The following NRG1 variants were observed in gnomAD, a reference collection of about 807,000 sequenced individuals.
NRG1 encodes neuregulin 1.
A neutral mutation model predicts 63.8 loss-of-function variants in NRG1; 18 were observed. The observed-to-expected ratio is 0.28, with a 90% CI of 0.19 to 0.42. The LOEUF (loss-of-function observed/expected upper bound fraction) is 0.42, where lower values mean the gene tolerates loss of function less well. Ranked by LOEUF, NRG1 falls within the 10% of genes least tolerant of loss-of-function variation. The pLI, the probability that NRG1 is intolerant of heterozygous loss-of-function variation, is 1.00. For synonymous variants in NRG1, 302 were observed against 301.3 expected (o/e 1.00, Z -0.02); for missense variants, 762 against 814.7 (o/e 0.94, Z 0.79).
intron 1 of NRG1, among the ~76,000 whole-genome samples, chr8:32,048,344 T>C (rs1479492767): frequency 6.7e-6 from 1 of 149,430 alleles, no homozygotes; most frequent in Non-Finnish European, 1.5e-5. Flanking sequence ...TGTATGTATG[T>C]ATGAATATAC....
intron 5 of NRG1, among the ~76,000 whole-genome samples, chr8:32,644,055 A>G (rs1477504885): frequency 2.0e-5 from 3 of 152,154 alleles, no homozygotes; most frequent in Non-Finnish European, 2.9e-5. Context: ...AAATTACCTA[A>G]GCTGCCTGGG....
chr8:31,864,181 G>T (rs1013839503), intron 1 of NRG1, among the ~76,000 whole-genome samples: 9 of 152,110 alleles, frequency 5.9e-5, no homozygotes, highest in African/African-American at 2.2e-4. Context: ...ATTAATTCAT[G>T]AATTCATTCA....
At chr8:31,699,567 G>A (rs1166178306) in intron 1 of NRG1, among the ~76,000 whole-genome samples, 1 of 152,102 alleles carries the variant, frequency 6.6e-6, no homozygotes, top group Non-Finnish European at 1.5e-5. Flanking sequence ...ATAAAGTGTG[G>A]TGTTTGCACT....
At chr8:32,449,872 A>C (rs1487091422) in intron 1 of NRG1, among the ~76,000 whole-genome samples, 1 of 152,230 alleles carries the variant, frequency 6.6e-6, no homozygotes, top group Non-Finnish European at 1.5e-5. Context: ...AGAGGGAGCC[A>C]GTGCATCAGA....
rs75155858 is a variant in NRG1 at position 32,764,326 on chromosome 8, G to T, written c.1838G>T (p.Gly613Val). The stretch of plus-strand genomic sequence containing the variant: ...GCTGACAGCAGGACTAACCCAGCAG[G>T]CCGCTTCTCGACACAGGAAGAAATC... Residue 613 changes from glycine to valine, a missense_variant, in exon 12 of 12, where the codon GGC becomes GTC. This residue lies in a region of NRG1 where 503 missense variants were observed against 506.8 expected (regional missense o/e 0.99). Transcript: ENST00000356819. The T allele has an allele frequency of 0.02, 32,692 of 1,613,864 alleles. 3,551 individuals carry two copies. The East Asian group carries it at 0.33, about 16-fold the overall frequency.
intron 7 of NRG1, chr8:32,749,365 AGAGAC>A (rs1445951831): frequency 1.6e-6 from 1 of 641,210 alleles, no homozygotes; most frequent in Non-Finnish European, 2.8e-6. Context: ...CCTCATAAAA[AGAGAC>A]GTTCCCTATG....
intron 1 of NRG1, among the ~76,000 whole-genome samples, chr8:32,246,160 A>G (rs1848576328): frequency 6.6e-6 from 1 of 152,212 alleles, no homozygotes; most frequent in African/African-American, 2.4e-5. Flanking sequence ...AGGAAGAAAA[A>G]GATACCAATG....
chr8:32,737,427 T>G (rs1825348174), intron 6 of NRG1, among the ~76,000 whole-genome samples: 1 of 152,028 alleles, frequency 6.6e-6, no homozygotes, highest in Non-Finnish European at 1.5e-5. Context: ...GGTGCATGCC[T>G]GTAATCTCAG....
At chr8:32,764,421 G>T in exon 12 of NRG1, 1 of 1,512,374 alleles carries the variant, frequency 6.6e-7, no homozygotes, top group South Asian at 1.3e-5. Context: ...TAAACACATA[G>T]ATTCACCTGT....
intron 8 of NRG1, 81 bp from the exon 9 acceptor site, chr8:32,756,322 G>A (rs754236324): frequency 1.4e-4 from 212 of 1,514,256 alleles, no homozygotes; most frequent in Non-Finnish European, 3.6e-5. Flanking sequence ...CTACTCATAG[G>A]TGTTGGTAGA....
At chr8:32,663,467 A>G (rs1803373740) in intron 5 of NRG1, among the ~76,000 whole-genome samples, 1 of 152,174 alleles carries the variant, frequency 6.6e-6, no homozygotes, top group African/African-American at 2.4e-5. Context: ...ACTTTGAAGT[A>G]CTTGCATGTC....
intron 1 of NRG1, among the ~76,000 whole-genome samples, chr8:32,225,809 A>C (rs1846259313): frequency 6.6e-6 from 1 of 152,206 alleles, no homozygotes. Context: ...AAGATGGGGA[A>C]AGTGTAGAGT....
chr8:32,747,076 G>A (rs1275171500), intron 7 of NRG1, among the ~76,000 whole-genome samples: 3 of 151,920 alleles, frequency 2.0e-5, no homozygotes, highest in Non-Finnish European at 4.4e-5. Context: ...TGATATGAAT[G>A]ACTTCCCGTG....
intron 1 of NRG1, among the ~76,000 whole-genome samples, chr8:31,802,843 T>C (rs1002381430): frequency 1.3e-5 from 2 of 152,204 alleles, no homozygotes; most frequent in South Asian, 4.1e-4. Context: ...ACTTGAGTTG[T>C]TGGACTTTGT....
intron 1 of NRG1, among the ~76,000 whole-genome samples, chr8:31,700,896 G>A (rs1315652094): frequency 6.6e-6 from 1 of 152,186 alleles, no homozygotes; most frequent in African/African-American, 2.4e-5. Context: ...GAGTAGATGG[G>A]TTATTGTGGT....
intron 1 of NRG1, among the ~76,000 whole-genome samples, chr8:32,425,229 G>A (rs1026623814): frequency 2.0e-5 from 3 of 152,172 alleles, no homozygotes; most frequent in African/African-American, 4.8e-5. Flanking sequence ...ATTTGCATCC[G>A]TTGCCAATAT....
intron 1 of NRG1, among the ~76,000 whole-genome samples, chr8:32,430,001 G>A (rs1004001739): frequency 5.3e-5 from 8 of 152,148 alleles, no homozygotes; most frequent in Non-Finnish European, 8.8e-5. Flanking sequence ...TGTGTGTATG[G>A]AAACTGAATG....
At chr8:31,933,409 T>TA (rs1363359624) in intron 1 of NRG1, among the ~76,000 whole-genome samples, 1 of 151,852 alleles carries the variant, frequency 6.6e-6, no homozygotes, top group African/African-American at 2.4e-5. Context: ...GCCTCCCGAG[T>TA]AGCTGGGATT....
chr8:32,447,443 A>T (rs1385305290), intron 1 of NRG1, among the ~76,000 whole-genome samples: 1 of 152,190 alleles, frequency 6.6e-6, no homozygotes, highest in East Asian at 1.9e-4. Context: ...ACTGTGGGAA[A>T]CATTTACATC....
Sources: gnomAD v4.1 joint callset for allele counts (sites outside exome capture counted in the v4.1 genomes callset) on GRCh38, gnomAD v4.1.1 for gene constraint, gnomAD v4.1.1 regional missense constraint, MANE v1.5 for transcripts, NCBI Gene and HGNC (gene_info 2026-07-23, HGNC 2026-07-21) for gene names.